The following PACSIN2 variants were observed in gnomAD, a reference collection of about 807,000 sequenced individuals.
PACSIN2 encodes protein kinase C and casein kinase substrate in neurons protein 2.
Under a neutral mutation model 63.8 loss-of-function variants are expected in PACSIN2, and 25 were observed. The ratio of observed to expected loss-of-function variants is 0.39; its 90% CI spans 0.29 to 0.55. PACSIN2 has a LOEUF of 0.55. Among genes scored for constraint, PACSIN2 ranks in the 20% least tolerant of loss-of-function variants. PACSIN2 has a pLI of 0.62. For synonymous variants in PACSIN2, 255 were observed against 256.2 expected (o/e 1.00, Z 0.05); for missense variants, 518 against 646.9 (o/e 0.80, Z 2.16).
intron 1 of PACSIN2, among the ~76,000 whole-genome samples, chr22:43,014,626 C>T (rs1188572348): frequency 6.6e-6 from 1 of 152,008 alleles, no homozygotes; most frequent in Non-Finnish European, 1.5e-5. Flanking sequence ...CCAGCTCCCC[C>T]TTCTGCAGCT....
intron 1 of PACSIN2, among the ~76,000 whole-genome samples, chr22:42,983,457 T>A (rs1282867372): frequency 1.6e-5 from 2 of 123,222 alleles, no homozygotes; most frequent in Non-Finnish European, 3.1e-5. Context: ...GCCACTGCAC[T>A]CCAGCCTGGA....
intron 1 of PACSIN2, among the ~76,000 whole-genome samples, chr22:42,967,692 T>C (rs1034563958): frequency 6.6e-5 from 10 of 152,012 alleles, no homozygotes; most frequent in Admixed American, 1.3e-4. Flanking sequence ...ATCAAGACCA[T>C]CCTGGCTAAC....
Position 42,876,227 on chromosome 22 carries a change from C to A in PACSIN2, c.1258G>T (p.Asp420Tyr). The A allele has an allele frequency of 1.2e-6, 2 of 1,614,212 alleles. No individual in the cohort carries two copies. The highest frequency in any genetic ancestry group is 1.7e-6 in the Non-Finnish European group (2 of 1,180,044). Reference sequence around the variant, plus strand: ...TCCGTCCCCGAGGTGGCGTCGTCGTCGAATGGATTCGAGTCCCCATTGGCA... The same window carrying A: ...TCCGTCCCCGAGGTGGCGTCGTCGTAGAATGGATTCGAGTCCCCATTGGCA... The part of the protein sequence containing the change: ...TDANGDSNPF[D>Y]DDATSGTEVR... Residue 420 changes from aspartate to tyrosine, a missense_variant, in exon 10 of 11, where the codon GAC becomes TAC. Physicochemically the swap from Asp to Tyr is radical, Grantham distance 160. Transcript: ENST00000263246.
At chr22:42,927,008 ACT>A (rs1345707072) in intron 1 of PACSIN2, among the ~76,000 whole-genome samples, 1 of 152,062 alleles carries the variant, frequency 6.6e-6, no homozygotes, top group Non-Finnish European at 1.5e-5. Context: ...GCCTCCCCAC[ACT>A]GCCAAGCCCA....
chr22:43,000,226 CGGG>C (rs1923679123), intron 1 of PACSIN2, among the ~76,000 whole-genome samples: 1 of 152,204 alleles, frequency 6.6e-6, no homozygotes, highest in African/African-American at 2.4e-5. Flanking sequence ...AAAAGCAACC[CGGG>C]TTCCAGGTCA....
chr22:42,905,233 C>T (rs532884160), intron 2 of PACSIN2, among the ~76,000 whole-genome samples: 1 of 152,354 alleles, frequency 6.6e-6, no homozygotes, highest in Non-Finnish European at 1.5e-5. Context: ...GGCATTCACA[C>T]GGGGGGAAGA....
chr22:42,906,735 G>A (rs1228162516), intron 2 of PACSIN2, among the ~76,000 whole-genome samples: 1 of 152,306 alleles, frequency 6.6e-6, no homozygotes, highest in Non-Finnish European at 1.5e-5. Context: ...TCCCAGAACA[G>A]CCAAATACCA....
rs565402023 is a variant in PACSIN2, at chr22:42,916,847, T to G, written c.-77-4690A>C. Among the ~76,000 whole-genome samples the G allele has an allele frequency of 2.0e-5, 3 of 152,206 alleles. No individual in the cohort carries two copies. The East Asian group carries it at 5.8e-4, about 29-fold the overall frequency. ...TGGCATACATCTGACACCCTAAAAG[T>G]GATAGCCATTGTTCTTAGAATCACC... is the stretch of plus-strand genomic sequence containing the variant. On this transcript the variant is annotated intron_variant, in intron 1 of 10. Coordinates refer to ENST00000263246, the MANE Select transcript of PACSIN2 (RefSeq NM_001184970.3).
intron 1 of PACSIN2, among the ~76,000 whole-genome samples, chr22:42,993,159 C>A (rs942554719): frequency 1.3e-5 from 2 of 150,318 alleles, no homozygotes; most frequent in Non-Finnish European, 3.0e-5. Flanking sequence ...AGCAACAGAA[C>A]AAGACTCCAT....
chr22:42,907,159 G>A (rs898415919), intron 2 of PACSIN2, among the ~76,000 whole-genome samples: 1 of 152,228 alleles, frequency 6.6e-6, no homozygotes. Flanking sequence ...AGCTTGGCTG[G>A]AGCCCAGGGC....
chr22:42,871,573 G>C lies in PACSIN2; in HGVS notation c.1349-104C>G. Reference sequence around the variant, plus strand: ...GAGCCCACAGAGGGTGGAGGGCCAGGCATTCTGTGGCGGGCAGGCCGAGGG... The same window carrying C: ...GAGCCCACAGAGGGTGGAGGGCCAGCCATTCTGTGGCGGGCAGGCCGAGGG... On this transcript the variant is annotated intron_variant, in intron 10 of 10. Coordinates refer to ENST00000263246, the MANE Select transcript of PACSIN2 (RefSeq NM_001184970.3). The surrounding 1 kb of genome is among the most constrained non-coding windows in gnomAD (Gnocchi z 5.4). 1.1e-6 allele frequency: 1 copy of C among 877,330 alleles called. No individual in the cohort carries two copies. Among genetic ancestry groups the C allele is most frequent in the African/African-American group, 1.7e-5 (1 of 60,564 alleles). The allele number at this position is 877,330 out of a possible 1,614,324, so 54.3% of individuals were successfully genotyped here. A position where few individuals can be genotyped will look rare whatever the true frequency, so the allele number is the denominator to read the frequency against.
At chr22:42,991,764 T>C (rs1012749003) in intron 1 of PACSIN2, among the ~76,000 whole-genome samples, 9 of 150,868 alleles carry the variant, frequency 6.0e-5, no homozygotes, top group African/African-American at 2.0e-4. Flanking sequence ...CCCCAAAATT[T>C]TGGGGACTTT....
chr22:43,003,320 A>T (rs1401436552), intron 1 of PACSIN2, among the ~76,000 whole-genome samples: 70 of 152,334 alleles, frequency 4.6e-4, no homozygotes, highest in African/African-American at 1.5e-3. Context: ...ATAAAAACAA[A>T]TATCGGCTGG....
At chr22:42,886,974 C>A (rs1055735640) in intron 5 of PACSIN2, among the ~76,000 whole-genome samples, 2 of 152,244 alleles carry the variant, frequency 1.3e-5, no homozygotes, top group Non-Finnish European at 2.9e-5. Flanking sequence ...TTCTCTCACA[C>A]AGGCACGCCC....
intron 1 of PACSIN2, among the ~76,000 whole-genome samples, chr22:42,978,036 C>T (rs1158034863): frequency 6.6e-6 from 1 of 152,214 alleles, no homozygotes; most frequent in Non-Finnish European, 1.5e-5. Context: ...GACATAACTA[C>T]TAAAAACTAC....
chr22:42,948,485 C>G (rs934773947), intron 1 of PACSIN2, among the ~76,000 whole-genome samples: 1 of 152,152 alleles, frequency 6.6e-6, no homozygotes, highest in Non-Finnish European at 1.5e-5. Flanking sequence ...AAAAGCCACA[C>G]GAGCTGGGTG....
intron 3 of PACSIN2, 51 bp downstream of exon 3, chr22:42,893,406 G>A: frequency 6.3e-7 from 1 of 1,584,806 alleles, no homozygotes. Context: ...AGAGCCCCCG[G>A]CTGGGGTGTA....
intron 1 of PACSIN2, among the ~76,000 whole-genome samples, chr22:42,916,665 C>T (rs1356726166): frequency 6.6e-6 from 1 of 152,124 alleles, no homozygotes; most frequent in Non-Finnish European, 1.5e-5. Context: ...CTCTATGGCT[C>T]CTCCCATCCC....
At chr22:42,938,709 G>A (rs745374970) in intron 1 of PACSIN2, among the ~76,000 whole-genome samples, 6 of 152,184 alleles carry the variant, frequency 3.9e-5, no homozygotes, top group Non-Finnish European at 7.3e-5. Context: ...GGCTGGTGAA[G>A]AGCCTTTCTC....
Sources: allele counts gnomAD v4.1 joint callset (sites outside exome capture counted in the v4.1 genomes callset), GRCh38; gene constraint gnomAD v4.1.1; non-coding constraint Gnocchi (gnomAD v3.1); transcripts MANE v1.5; gene names NCBI Gene and HGNC (gene_info 2026-07-23, HGNC 2026-07-21).